FSD2: variants seen among roughly 807,000 people sequenced by gnomAD.
The protein encoded by FSD2 is fibronectin type III and SPRY domain containing 2, also known as fibronectin type III and SPRY domain-containing protein 2.
FSD2 carries 71 observed loss-of-function variants against 80.4 expected under a neutral mutation model. The observed-to-expected ratio is 0.88, with a 90% CI of 0.73 to 1.08. The LOEUF (loss-of-function observed/expected upper bound fraction) is 1.08. Among genes scored for constraint, FSD2 ranks in the 50% least tolerant of loss-of-function variants. FSD2 has a pLI of 0.00. For synonymous variants in FSD2, 361 were observed against 329.5 expected (o/e 1.10, Z -1.03); for missense variants, 923 against 913.8 (o/e 1.01, Z -0.13).
At chr15:82,783,314 G>C (rs1370436187) in intron 3 of FSD2, among the ~76,000 whole-genome samples, 1 of 152,122 alleles carries the variant, frequency 6.6e-6, no homozygotes, top group African/African-American at 2.4e-5. Flanking sequence ...GGCCAGGTTG[G>C]TCTTGAACTC....
At chr15:82,768,759 A>T (rs985191172) in intron 9 of FSD2, 121 bp downstream of exon 9, 6 of 984,918 alleles carry the variant, frequency 6.1e-6, no homozygotes, top group Non-Finnish European at 8.0e-6. Flanking sequence ...AGCAACCAAA[A>T]ATTGAGATTC....
intron 3 of FSD2, among the ~76,000 whole-genome samples, chr15:82,783,647 G>A (rs1314780428): frequency 2.6e-5 from 4 of 152,178 alleles, no homozygotes; most frequent in South Asian, 2.1e-4. Context: ...GAGATTATCA[G>A]TGATGATTCT....
chr15:82,764,564 C>T (rs1436831623), intron 11 of FSD2, among the ~76,000 whole-genome samples: 7 of 141,842 alleles, frequency 4.9e-5, no homozygotes, highest in Admixed American at 2.3e-4. Context: ...GCGCCATCTC[C>T]GCCCCGCGGG....
intron 1 of FSD2, among the ~76,000 whole-genome samples, chr15:82,788,504 C>CAAAAAAAAAAAAAAAAAAAA (rs11317915): frequency 1.5e-5 from 1 of 66,250 alleles, no homozygotes. Flanking sequence ...GACCCTGTCT[C>CAAAAAAAAAAAAAAAAAAAA]AAAAAAAAAA....
intron 11 of FSD2, 132 bp from the exon 12 acceptor site, chr15:82,762,410 A>T: frequency 1.4e-6 from 1 of 723,374 alleles, no homozygotes. Flanking sequence ...CTGGACACTT[A>T]ACTTGTAAAG....
chr15:82,759,065 C>T lies in FSD2; in HGVS notation c.*283G>A, dbSNP rs1392106561. 4 of 362,096 alleles carry T rather than the reference C, an allele frequency of 1.1e-5. No homozygotes were observed. Among genetic ancestry groups the T allele is most frequent in the Non-Finnish European group, 5.1e-6 (1 of 196,812 alleles). The allele number at this position is 362,096 out of a possible 1,614,324, so 22.4% of individuals were successfully genotyped here. A position where few individuals can be genotyped will look rare whatever the true frequency, so the allele number is the denominator to read the frequency against. On this transcript the variant is annotated 3_prime_UTR_variant, in exon 13 of 13. Transcript: ENST00000334574. ...AAACTCAAGATATTTTGCATATACA[C>T]GAATATAGTTTGACAGCTTCAAAGA...
intron 6 of FSD2, among the ~76,000 whole-genome samples, chr15:82,772,551 C>A (rs1334701639): frequency 6.6e-6 from 1 of 152,180 alleles, no homozygotes; most frequent in Non-Finnish European, 1.5e-5. Context: ...CCTAAAGAGG[C>A]AGGACAACCG....
At chr15:82,805,605 C>T (rs2050508400) in intron 1 of FSD2, among the ~76,000 whole-genome samples, 1 of 152,152 alleles carries the variant, frequency 6.6e-6, no homozygotes, top group Non-Finnish European at 1.5e-5. Flanking sequence ...AATGTATTTA[C>T]AACACAATAG....
intron 11 of FSD2, 95 bp downstream of exon 11, chr15:82,765,071 C>T (rs1301664769): frequency 1.1e-5 from 15 of 1,389,406 alleles, no homozygotes; most frequent in East Asian, 5.2e-5. Flanking sequence ...CCTTTTCCCT[C>T]GAGGCTGCCT....
At position 82,759,596 on chromosome 15, in the gene FSD2, T is replaced by TA; in HGVS notation, c.2001dup (p.Lys668Ter). 1 of 1,565,962 alleles carries TA rather than the reference T, an allele frequency of 6.4e-7. No homozygotes were observed. Among genetic ancestry groups the TA allele is most frequent in the African/African-American group, 1.4e-5 (1 of 73,482 alleles). On this transcript the variant is annotated frameshift_variant, in exon 13 of 13. Coordinates refer to ENST00000334574, the MANE Select transcript of FSD2 (RefSeq NM_001007122.4). LOFTEE classifies it high-confidence loss of function. ...GTTCTGTTGTGCAGAAATTCATACT[T>TA]ATGCCTGAAAATTAAATTTGACATA...
chr15:82,802,066 T>TAC (rs1472841418), intron 1 of FSD2, among the ~76,000 whole-genome samples: 1 of 152,162 alleles, frequency 6.6e-6, no homozygotes, highest in Non-Finnish European at 1.5e-5. Context: ...ATGGGGAGGT[T>TAC]ACTACTAAGA....
At chr15:82,796,352 G>A (rs1330125753) in intron 1 of FSD2, 1 of 153,810 alleles carries the variant, frequency 6.5e-6, no homozygotes, top group Non-Finnish European at 1.5e-5. Flanking sequence ...CCTGGCCAGA[G>A]CTGGTCCCCA....
At chr15:82,786,671 G>T (rs62011702) in intron 2 of FSD2, 65 bp from the exon 3 acceptor site, 16 of 1,604,946 alleles carry the variant, frequency 1.0e-5, no homozygotes, top group Non-Finnish European at 1.3e-5. Context: ...TGTAGAAGGC[G>T]TTTTAGATTT....
chr15:82,793,182 A>T (rs534514461), intron 1 of FSD2, among the ~76,000 whole-genome samples: 2 of 151,656 alleles, frequency 1.3e-5, no homozygotes, highest in East Asian at 3.9e-4. Flanking sequence ...TGCAACCTCC[A>T]CCTCCCAGGT....
chr15:82,786,422 A>G, intron 3 of FSD2, 89 bp downstream of exon 3: 1 of 988,790 alleles, frequency 1.0e-6, no homozygotes, highest in Non-Finnish European at 1.6e-6. Context: ...AAGAAAACAG[A>G]TTCTCTAGCT....
intron 1 of FSD2, among the ~76,000 whole-genome samples, chr15:82,800,417 C>T (rs1205685082): frequency 6.7e-6 from 1 of 148,770 alleles, no homozygotes; most frequent in Non-Finnish European, 1.5e-5. Context: ...GTCGGCCCCA[C>T]ACAGTGGCTC....
At chr15:82,760,663 C>G (rs2049271600) in intron 12 of FSD2, among the ~76,000 whole-genome samples, 1 of 151,924 alleles carries the variant, frequency 6.6e-6, no homozygotes. Flanking sequence ...AAATGCAAGT[C>G]TGCTAGGAGA....
chr15:82,785,631 T>A (rs2049977799), intron 3 of FSD2, among the ~76,000 whole-genome samples: 1 of 152,196 alleles, frequency 6.6e-6, no homozygotes, highest in Non-Finnish European at 1.5e-5. Context: ...GCCATAAATT[T>A]ATTTTTTAAA....
chr15:82,778,651 G>T, intron 6 of FSD2, 115 bp downstream of exon 6: 3 of 1,185,134 alleles, frequency 2.5e-6, no homozygotes, highest in South Asian at 1.6e-5. Flanking sequence ...ATATTGTATT[G>T]TACACTTTAA....
Sources: gnomAD v4.1 joint callset for allele counts (sites outside exome capture counted in the v4.1 genomes callset) on GRCh38, gnomAD v4.1.1 for gene constraint, MANE v1.5 for transcripts, NCBI Gene and HGNC (gene_info 2026-07-23, HGNC 2026-07-21) for gene names.